The following CTNNA3 variants were observed in gnomAD, a reference collection of about 807,000 sequenced individuals.
CTNNA3 encodes the protein catenin alpha 3.
Under a neutral mutation model 95.7 loss-of-function variants are expected in CTNNA3, and 76 were observed. The ratio of observed to expected loss-of-function variants is 0.79; its 90% CI spans 0.66 to 0.96. The LOEUF is 0.96. Among genes scored for constraint, CTNNA3 ranks in the 40% least tolerant of loss-of-function variants. The pLI, the probability that CTNNA3 is intolerant of heterozygous loss-of-function variation, is 0.00. For synonymous variants in CTNNA3, 431 were observed against 374.4 expected (o/e 1.15, Z -1.74); for missense variants, 1,191 against 1,089.8 (o/e 1.09, Z -1.31).
chr10:66,075,669 C>T (rs2080536694), intron 14 of CTNNA3, among the ~76,000 whole-genome samples: 2 of 151,776 alleles, frequency 1.3e-5, no homozygotes, highest in East Asian at 3.9e-4. Context: ...AAATATAGCG[C>T]CATTATAATT....
At chr10:67,348,463 C>T (rs191396566) in intron 5 of CTNNA3, among the ~76,000 whole-genome samples, 3 of 152,190 alleles carry the variant, frequency 2.0e-5, no homozygotes, top group East Asian at 3.9e-4. Context: ...AGAAAAGAGG[C>T]TTATTTTGGC....
At chr10:67,725,179 C>CTT (rs578185088) in intron 1 of CTNNA3, among the ~76,000 whole-genome samples, 3 of 143,368 alleles carry the variant, frequency 2.1e-5, no homozygotes, top group Non-Finnish European at 4.6e-5. Context: ...ATTAATTTAC[C>CTT]TTTTTTTTTT....
intron 5 of CTNNA3, among the ~76,000 whole-genome samples, chr10:67,338,169 G>A (rs1163420427): frequency 6.6e-6 from 1 of 152,178 alleles, no homozygotes; most frequent in Non-Finnish European, 1.5e-5. Flanking sequence ...TTGGTTCACA[G>A]TTCTGCAGAC....
chr10:67,205,072 C>T (rs539125851), intron 6 of CTNNA3, among the ~76,000 whole-genome samples: 56 of 152,240 alleles, frequency 3.7e-4, no homozygotes, highest in African/African-American at 1.2e-3. Flanking sequence ...CTCATCTCTT[C>T]GTAACCTGGT....
At chr10:67,128,448 T>A (rs935308979) in intron 7 of CTNNA3, among the ~76,000 whole-genome samples, 5 of 152,026 alleles carry the variant, frequency 3.3e-5, no homozygotes, top group East Asian at 1.9e-4. Context: ...CTTTTTTTTT[T>A]AAAGAATAAC....
intron 5 of CTNNA3, among the ~76,000 whole-genome samples, chr10:67,475,070 A>G (rs953291841): frequency 6.6e-6 from 1 of 152,214 alleles, no homozygotes; most frequent in African/African-American, 2.4e-5. Context: ...TGACACAGCC[A>G]TATATTAAAC....
chr10:66,752,061 T>TAATCTTAA (rs1839165767), intron 9 of CTNNA3, among the ~76,000 whole-genome samples: 1 of 152,164 alleles, frequency 6.6e-6, no homozygotes, highest in Non-Finnish European at 1.5e-5. Flanking sequence ...ATTTCTATCT[T>TAATCTTAA]AATCTTAACA....
chr10:65,957,335 CTT>C (rs2077751974), intron 17 of CTNNA3, among the ~76,000 whole-genome samples: 1 of 152,216 alleles, frequency 6.6e-6, no homozygotes, highest in Admixed American at 6.5e-5. Flanking sequence ...AGTCTTGACT[CTT>C]TATCCAATTT....
chr10:66,444,315 T>C (rs1335580810), intron 11 of CTNNA3, among the ~76,000 whole-genome samples: 9 of 151,822 alleles, frequency 5.9e-5, no homozygotes, highest in Admixed American at 5.9e-4. Flanking sequence ...ATTCAGGAAA[T>C]ACAGAGAACA....
intron 13 of CTNNA3, among the ~76,000 whole-genome samples, chr10:66,169,273 C>A (rs974311352): frequency 6.6e-6 from 1 of 152,138 alleles, no homozygotes; most frequent in Non-Finnish European, 1.5e-5. Context: ...TAAGAACATA[C>A]AATTCTTGCT....
At chr10:66,271,263 G>T (rs2091274533) in intron 13 of CTNNA3, among the ~76,000 whole-genome samples, 1 of 152,084 alleles carries the variant, frequency 6.6e-6, no homozygotes, top group East Asian at 1.9e-4. Flanking sequence ...CTACATCAAA[G>T]TCTGTTTTCT....
chr10:67,719,949 G>A (rs1841168096), intron 1 of CTNNA3, among the ~76,000 whole-genome samples: 1 of 151,692 alleles, frequency 6.6e-6, no homozygotes, highest in South Asian at 2.1e-4. Flanking sequence ...CTCTTTGTAG[G>A]TCTCTAAGAA....
chr10:67,699,195 C>T (rs1216586176), upstream of CTNNA3, among the ~76,000 whole-genome samples: 1 of 152,136 alleles, frequency 6.6e-6, no homozygotes, highest in African/African-American at 2.4e-5. Flanking sequence ...AGGACTTCTA[C>T]CTGAAAATTT....
chr10:67,111,387 G>A (rs934684485), intron 7 of CTNNA3, among the ~76,000 whole-genome samples: 1 of 151,970 alleles, frequency 6.6e-6, no homozygotes. Flanking sequence ...GAATATACTA[G>A]AGGTTAAGAA....
At chr10:66,775,318 T>A in intron 8 of CTNNA3, 126 bp downstream of exon 8, 1 of 558,870 alleles carries the variant, frequency 1.8e-6, no homozygotes. Flanking sequence ...AAAGTATATA[T>A]TTACTCTTTT....
intron 15 of CTNNA3, among the ~76,000 whole-genome samples, chr10:65,991,944 A>C (rs1274797782): frequency 1.3e-5 from 2 of 151,974 alleles, no homozygotes; most frequent in Non-Finnish European, 2.9e-5. Flanking sequence ...CTTTCTTGAG[A>C]GTTTTCATCA....
At chr10:66,175,296 T>G (rs1478001858) in intron 13 of CTNNA3, among the ~76,000 whole-genome samples, 1 of 152,042 alleles carries the variant, frequency 6.6e-6, no homozygotes, top group Admixed American at 6.6e-5. Context: ...CTTCTACAAC[T>G]GAGGGAATAG....
At chr10:67,553,996 G>A (rs755346546) in intron 3 of CTNNA3, among the ~76,000 whole-genome samples, 1 of 152,154 alleles carries the variant, frequency 6.6e-6, no homozygotes, top group Non-Finnish European at 1.5e-5. Flanking sequence ...ACCTATGAGT[G>A]AGAACATACA....
At chr10:67,559,492 A>G (rs1237192344) in intron 3 of CTNNA3, among the ~76,000 whole-genome samples, 2 of 152,194 alleles carry the variant, frequency 1.3e-5, no homozygotes, top group African/African-American at 2.4e-5. Flanking sequence ...CCATCTGTAC[A>G]TGACCATCAT....
Sources: allele counts gnomAD v4.1 joint callset (sites outside exome capture counted in the v4.1 genomes callset), GRCh38; gene constraint gnomAD v4.1.1; transcripts MANE v1.5; gene names NCBI Gene and HGNC (gene_info 2026-07-23, HGNC 2026-07-21).